PIP5K1B: variants seen among roughly 807,000 people sequenced by gnomAD.
PIP5K1B encodes the protein phosphatidylinositol 4-phosphate 5-kinase type-1 beta.
A neutral mutation model predicts 67.0 loss-of-function variants in PIP5K1B; 42 were observed. The observed-to-expected ratio is 0.63, with a 90% confidence interval of 0.49 to 0.81. PIP5K1B has a LOEUF of 0.81. Among genes scored for constraint, PIP5K1B ranks in the 30% least tolerant of loss-of-function variants. The probability of loss-of-function intolerance (pLI) is 0.00; values close to 1 mark genes in which losing one functional copy is unlikely to be tolerated. For missense variants in PIP5K1B, 459 were observed against 646.3 expected, an observed-to-expected ratio of 0.71 and a Z score of 3.14; for synonymous variants, 214 against 231.4, an observed-to-expected ratio of 0.92 and a Z score of 0.68.
At chr9:68,810,609 A>T (rs1245699865) in intron 2 of PIP5K1B, among the ~76,000 whole-genome samples, 3 of 152,172 alleles carry the variant, frequency 2.0e-5, no homozygotes, top group South Asian at 2.1e-4. Flanking sequence ...AAGCAAACTC[A>T]TCTGTGGCAA....
intron 4 of PIP5K1B, among the ~76,000 whole-genome samples, chr9:68,851,596 G>C (rs1031059410): frequency 6.6e-6 from 1 of 152,234 alleles, no homozygotes; most frequent in Non-Finnish European, 1.5e-5. Flanking sequence ...AACAGAGGCT[G>C]TGTAGAGGCA....
At chr9:68,863,101 A>G (rs961245894) in intron 4 of PIP5K1B, among the ~76,000 whole-genome samples, 1 of 152,098 alleles carries the variant, frequency 6.6e-6, no homozygotes. Flanking sequence ...TTTGGTCTGG[A>G]TGATTCTTTG....
At chr9:68,823,617 C>T (rs567360989) in intron 4 of PIP5K1B, among the ~76,000 whole-genome samples, 3 of 152,274 alleles carry the variant, frequency 2.0e-5, no homozygotes, top group Admixed American at 6.5e-5. Context: ...TGTTCAAACA[C>T]GTTACTGGGT....
intron 15 of PIP5K1B, among the ~76,000 whole-genome samples, chr9:68,997,827 T>A (rs926295225): frequency 2.6e-5 from 4 of 152,248 alleles, no homozygotes; most frequent in Admixed American, 6.5e-5. Flanking sequence ...AGGATTTTTT[T>A]AAAAAACAAA....
intron 14 of PIP5K1B, among the ~76,000 whole-genome samples, chr9:68,943,012 C>T (rs1827637740): frequency 6.6e-6 from 1 of 152,182 alleles, no homozygotes; most frequent in Admixed American, 6.5e-5. Flanking sequence ...TAGCAGGACC[C>T]ACAGTCAAGT....
chr9:68,782,964 A>G (rs544365417), intron 2 of PIP5K1B: 175 of 167,156 alleles, frequency 1.0e-3, no homozygotes, highest in Non-Finnish European at 1.8e-3. Context: ...AGTCCTGTCA[A>G]CTTCTGAAAT....
chr9:68,801,497 G>A (rs769301670), intron 2 of PIP5K1B, among the ~76,000 whole-genome samples: 2 of 152,188 alleles, frequency 1.3e-5, no homozygotes, highest in African/African-American at 2.4e-5. Context: ...CACCCTGCCA[G>A]GTGGGAGAGA....
At chr9:68,730,862 T>C (rs1263441123) in intron 1 of PIP5K1B, among the ~76,000 whole-genome samples, 1 of 152,224 alleles carries the variant, frequency 6.6e-6, no homozygotes, top group African/African-American at 2.4e-5. Context: ...GATGAATGGA[T>C]TTCATGATTG....
intron 14 of PIP5K1B, among the ~76,000 whole-genome samples, chr9:68,955,225 G>C (rs530830995): frequency 6.6e-6 from 1 of 152,336 alleles, no homozygotes; most frequent in African/African-American, 2.4e-5. Flanking sequence ...TGCAACATTT[G>C]AGATGCCCAT....
At chr9:68,994,556 A>G (rs1157051536) in intron 15 of PIP5K1B, among the ~76,000 whole-genome samples, 3 of 152,190 alleles carry the variant, frequency 2.0e-5, no homozygotes, top group African/African-American at 4.8e-5. Context: ...TATATAACAC[A>G]TCATTTCATT....
At chr9:68,919,386 T>A (rs1826255369) in intron 9 of PIP5K1B, 93 bp from the exon 10 acceptor site, 1 of 635,194 alleles carries the variant, frequency 1.6e-6, no homozygotes, top group Non-Finnish European at 2.7e-6. Context: ...AAATTGTCAA[T>A]TTTTATTTTC....
chr9:68,782,357 C>T (rs1032259737), intron 2 of PIP5K1B: 1 of 166,918 alleles, frequency 6.0e-6, no homozygotes, highest in African/African-American at 2.4e-5. Context: ...TTAGAATAGT[C>T]GAATGTTCTT....
chr9:68,940,942 A>T (rs1827529915), intron 14 of PIP5K1B, 152 bp downstream of exon 14: 1 of 758,392 alleles, frequency 1.3e-6, no homozygotes, highest in Admixed American at 1.9e-5. Flanking sequence ...CTTGATTTTT[A>T]CTGTGGCAAA....
chr9:68,766,454 A>G (rs967409321), intron 2 of PIP5K1B, among the ~76,000 whole-genome samples: 2 of 152,186 alleles, frequency 1.3e-5, no homozygotes, highest in East Asian at 1.9e-4. Flanking sequence ...CTTATCCCCT[A>G]TTAGAAATAT....
At chr9:68,937,450 TC>T (rs1827322809) in intron 13 of PIP5K1B, among the ~76,000 whole-genome samples, 1 of 152,222 alleles carries the variant, frequency 6.6e-6, no homozygotes, top group Admixed American at 6.5e-5. Flanking sequence ...AGTGGTGATA[TC>T]CCCTATATCA....
intron 1 of PIP5K1B, chr9:68,727,451 G>A (rs1828208057): frequency 6.6e-6 from 1 of 152,142 alleles, no homozygotes; most frequent in Non-Finnish European, 1.5e-5. Context: ...ATTATAATAG[G>A]TAGAGGGTAA....
intron 15 of PIP5K1B, among the ~76,000 whole-genome samples, chr9:68,995,852 A>G (rs985632189): frequency 1.3e-5 from 2 of 152,084 alleles, no homozygotes; most frequent in Non-Finnish European, 2.9e-5. Flanking sequence ...GAAAAGCACA[A>G]GAAAGGAAAA....
intron 2 of PIP5K1B, among the ~76,000 whole-genome samples, chr9:68,798,421 CAAT>C (rs1244250763): frequency 6.6e-6 from 1 of 152,102 alleles, no homozygotes; most frequent in African/African-American, 2.4e-5. Context: ...CAGACAAAAA[CAAT>C]AAAAGGTAGT....
chr9:68,835,938 A>G (rs1443111127), intron 4 of PIP5K1B, among the ~76,000 whole-genome samples: 1 of 151,232 alleles, frequency 6.6e-6, no homozygotes, highest in Non-Finnish European at 1.5e-5. Flanking sequence ...TGAGGAAGCT[A>G]TATTGGGCTT....
Sources: gnomAD v4.1 joint callset for allele counts (sites outside exome capture counted in the v4.1 genomes callset) on GRCh38, gnomAD v4.1.1 for gene constraint, MANE v1.5 for transcripts, NCBI Gene and HGNC (gene_info 2026-07-23, HGNC 2026-07-21) for gene names.